Variants in ZFYVE26 observed in about 807,000 individuals in gnomAD.
The protein encoded by ZFYVE26 is zinc finger FYVE-type containing 26, also known as zinc finger FYVE domain-containing protein 26.
ZFYVE26 carries 181 observed loss-of-function variants against 276.5 expected under a neutral mutation model. That is an observed-to-expected ratio of 0.65 (90% confidence interval 0.58 to 0.74). The LOEUF (loss-of-function observed/expected upper bound fraction) is 0.74. Among genes scored for constraint, ZFYVE26 ranks in the 30% least tolerant of loss-of-function variants. ZFYVE26 has a pLI of 0.00. For missense variants in ZFYVE26, 2,821 were observed against 3,097.9 expected (o/e 0.91, Z 2.12); for synonymous variants, 1,129 against 1,203.1 (o/e 0.94, Z 1.27).
At position 67,780,351 on chromosome 14, in the gene ZFYVE26, G is replaced by A. The variant is rs551233958; in HGVS notation, c.4570-6C>T. 83 of 1,611,166 alleles carry A rather than the reference G, an allele frequency of 5.2e-5. No individual in the cohort carries two copies. In the East Asian group the frequency reaches 1.8e-3, roughly 36 times the overall value. On this transcript the variant is annotated splice_polypyrimidine_tract_variant and splice_region_variant and intron_variant, in intron 22 of 41. Transcript: ENST00000347230. ...GGAGACTGCAAACCCAGAATCTAAG[G>A]AAAGACAAGAAAATCCGTCAAACCA...
chr14:67,767,809 T>A lies in ZFYVE26; in HGVS notation c.5685A>T (p.Pro1895=), dbSNP rs1176271187. Residue 1895 remains proline, a synonymous_variant, in exon 31 of 42, where the codon CCA becomes CCT. Coordinates refer to ENST00000347230, the MANE Select transcript of ZFYVE26 (RefSeq NM_015346.4). ...TGGGGACTCTCACCACAAACGAGTA[T>A]GGAGGGCTTTCATTCTTGGAGCTGT... The part of the protein sequence containing the change: ...ALDSSKNESP[P]YSFVVRVPKA... 2.5e-6 allele frequency: 4 copies of A among 1,614,176 alleles called. No homozygotes were observed. Among genetic ancestry groups the A allele is most frequent in the Non-Finnish European group, 3.4e-6 (4 of 1,180,040 alleles).
intron 13 of ZFYVE26, among the ~76,000 whole-genome samples, chr14:67,730,538 C>T (rs1161706285): frequency 3.3e-5 from 5 of 152,146 alleles, no homozygotes; most frequent in African/African-American, 1.2e-4. Context: ...TTGAGATGCT[C>T]AGCTGGTAAG....
chr14:67,741,317 T>C (rs1395074740), intron 13 of ZFYVE26, among the ~76,000 whole-genome samples: 3 of 152,250 alleles, frequency 2.0e-5, no homozygotes, highest in Non-Finnish European at 2.9e-5. Flanking sequence ...AATACACTTA[T>C]TATTTTCTTG....
chr14:67,765,435 G>A (rs932295947), intron 32 of ZFYVE26, among the ~76,000 whole-genome samples: 6 of 152,288 alleles, frequency 3.9e-5, no homozygotes, highest in African/African-American at 7.2e-5. Context: ...CTAGGAAGTC[G>A]TGAAGCTGGG....
rs772482784 is a variant in ZFYVE26, at chr14:67,769,647, G to A, written c.5568C>T (p.Cys1856=). Reference sequence around the variant, plus strand: ...CACACACACGAGCAGGGTTCTCTCTGCAGCCTTCAACCACCATTTTCTTAG... The same window carrying A: ...CACACACACGAGCAGGGTTCTCTCTACAGCCTTCAACCACCATTTTCTTAG... ...CSTKKMVVEG[C]RENPARVCDQ... is the part of the protein sequence containing the mutation. Residue 1856 remains cysteine (C), a synonymous_variant, in exon 29 of 42, where the codon TGC becomes TGT. Transcript: ENST00000347230. The A allele has an allele frequency of 4.3e-6, 7 of 1,613,916 alleles. 1 individual carries two copies. The African/African-American group carries it at 8.0e-5, about 18-fold the overall frequency.
intron 34 of ZFYVE26, 130 bp downstream of exon 34, chr14:67,762,073 A>G: frequency 9.3e-7 from 1 of 1,075,218 alleles, no homozygotes; most frequent in Non-Finnish European, 1.4e-6. Flanking sequence ...GAAAAAAAAA[A>G]TTTTTAACCT....
chr14:67,798,949 C>G (rs891640182), intron 10 of ZFYVE26: 2 of 1,128,576 alleles, frequency 1.8e-6, no homozygotes, highest in East Asian at 2.4e-5. Context: ...CTTTATTTCT[C>G]GCGCCGCGGT....
At chr14:67,749,888 A>C (rs1251782641) in intron 41 of ZFYVE26, among the ~76,000 whole-genome samples, 1 of 152,230 alleles carries the variant, frequency 6.6e-6, no homozygotes, top group Non-Finnish European at 1.5e-5. Context: ...GCATTTTGCC[A>C]GAGAGTCTGG....
chr14:67,809,313 C>T (rs200503211), intron 3 of ZFYVE26, 24 bp from the exon 4 acceptor site: 1 of 1,542,170 alleles, frequency 6.5e-7, no homozygotes, highest in Non-Finnish European at 9.0e-7. Context: ...AAGAATGAAG[C>T]ATAGAGATGA....
chr14:67,748,477 T>C lies in ZFYVE26; in HGVS notation c.7579A>G (p.Ser2527Gly). The change falls in exon 42 of 42, where the codon AGC (serine) becomes GGC (glycine). Residue 2527 changes from serine to glycine, a missense_variant. Coordinates refer to ENST00000347230, the MANE Select transcript of ZFYVE26 (RefSeq NM_015346.4). ...GGGCCATGGGCACCCCGGGGGTGGC[T>C]TGTCAGAAGCCACTGGGCACAGATG... is the stretch of plus-strand genomic sequence containing the variant. ...QDICAQWLLT[S>G]HPRGAHGPGS... 1 of 1,613,092 alleles carries C rather than the reference T, an allele frequency of 6.2e-7. No homozygotes were observed. The highest frequency in any genetic ancestry group is 8.5e-7 in the Non-Finnish European group (1 of 1,179,884).
At position 67,776,099 on chromosome 14, in the gene ZFYVE26, A is replaced by C. The variant is rs1422542607; in HGVS notation, c.4982T>G (p.Leu1661Arg). The change falls in exon 26 of 42, where the codon CTG (leucine) becomes CGG (arginine). Residue 1661 changes from leucine (L) to arginine (R), a missense_variant. Transcript: ENST00000347230. The part of the protein sequence containing the change: ...QALYVGSKIL[L>R]TLPEQHRASY... ...GGCCCGGTGCTGCTCAGGCAGGGTC[A>C]GCAGAATCTGTTTGTGGGGTAGATC... 9.9e-6 allele frequency: 16 copies of C among 1,614,082 alleles called. No homozygotes were observed. Among genetic ancestry groups the C allele is most frequent in the Non-Finnish European group, 1.4e-5 (16 of 1,180,032 alleles).
At position 67,805,616 on chromosome 14, in the gene ZFYVE26, T is replaced by C. The variant is rs1281717550; in HGVS notation, c.1020A>G (p.Val340=). The C allele has an allele frequency of 6.2e-7, 1 of 1,613,744 alleles. No individual in the cohort carries two copies. The highest frequency in any genetic ancestry group is 1.7e-5 in the Admixed American group (1 of 60,010). ...CTTCTTTCAACAATGTTAGTGCTGT[T>C]ACCTGTAAGTCAAAGAAAGCTGTTA... ...NNKHFLEQIL[V]TALTLLKEED... The change falls in exon 7 of 42, where the codon GTA becomes GTG. Residue 340 remains valine (V), a splice_region_variant and synonymous_variant. Coordinates refer to ENST00000347230, the MANE Select transcript of ZFYVE26 (RefSeq NM_015346.4).
chr14:67,774,898 A>T (rs2039299521), intron 27 of ZFYVE26, 118 bp downstream of exon 27: 1 of 687,096 alleles, frequency 1.5e-6, no homozygotes, highest in African/African-American at 1.8e-5. Context: ...ATAAACAATT[A>T]ATAATGTTGT....
In ZFYVE26 at chr14:67,767,613, G is replaced by C; in HGVS notation, c.5790+91C>G. 1.9e-6 allele frequency: 3 copies of C among 1,545,732 alleles called. No homozygotes were observed. In the South Asian group the frequency reaches 3.4e-5, roughly 17 times the overall value. On this transcript the variant is annotated intron_variant, in intron 31 of 41. Coordinates refer to ENST00000347230, the MANE Select transcript of ZFYVE26 (RefSeq NM_015346.4). ...ATTATTGCACTATAAACAAGTAAAG[G>C]CCAGGTGTGTTCACCTACCTCTGTA...
chr14:67,736,155 C>T (rs1419309972), intron 13 of ZFYVE26, among the ~76,000 whole-genome samples: 1 of 152,198 alleles, frequency 6.6e-6, no homozygotes, highest in Admixed American at 6.5e-5. Flanking sequence ...ATAACTAGAA[C>T]TCAAGCGCCA....
In ZFYVE26 at chr14:67,774,895, A is replaced by G. The variant is rs188910721; in HGVS notation, c.5320+121T>C. On this transcript the variant is annotated intron_variant, in intron 27 of 41. Transcript: ENST00000347230. ...AATCTGGAATGAACCAAGATAAACA[A>G]TTAATAATGTTGTAACTGGCAATGA... The G allele has an allele frequency of 3.1e-4, 214 of 685,366 alleles. 2 individuals carry two copies. Among genetic ancestry groups the G allele is most frequent in the Admixed American group, 2.5e-3 (100 of 39,754 alleles). The allele number at this position is 685,366 out of a possible 1,614,324, so 42.5% of individuals were successfully genotyped here.
intron 27 of ZFYVE26, 113 bp from the exon 28 acceptor site, chr14:67,772,323 C>T (rs1420429021): frequency 1.6e-6 from 2 of 1,217,482 alleles, no homozygotes; most frequent in Non-Finnish European, 1.2e-6. Flanking sequence ...AAGAATAGAT[C>T]CAGTTAATGA....
intron 35 of ZFYVE26, among the ~76,000 whole-genome samples, chr14:67,759,979 A>C (rs1406960156): frequency 6.6e-6 from 1 of 152,182 alleles, no homozygotes; most frequent in African/African-American, 2.4e-5. Flanking sequence ...TCCTCTCCCT[A>C]CCTGCTTGAG....
chr14:67,773,290 C>T (rs2039259094), intron 27 of ZFYVE26, among the ~76,000 whole-genome samples: 1 of 151,984 alleles, frequency 6.6e-6, no homozygotes, highest in African/African-American at 2.4e-5. Context: ...GCAGATTATG[C>T]CTGTAATCCC....
Sources: gnomAD v4.1 joint callset for allele counts (sites outside exome capture counted in the v4.1 genomes callset) on GRCh38, gnomAD v4.1.1 for gene constraint, MANE v1.5 for transcripts, NCBI Gene and HGNC (gene_info 2026-07-23, HGNC 2026-07-21) for gene names.